The following SIX4 variants were observed in gnomAD, a reference collection of about 807,000 sequenced individuals.
SIX4 encodes homeobox protein SIX4.
A neutral mutation model predicts 51.5 loss-of-function variants in SIX4; 23 were observed. The ratio of observed to expected loss-of-function variants is 0.45; its 90% CI spans 0.32 to 0.63. SIX4 has a LOEUF of 0.63. Among genes scored for constraint, SIX4 ranks in the 30% least tolerant of loss-of-function variants. The pLI is 0.04. For missense variants in SIX4, 867 were observed against 984.0 expected, an observed-to-expected ratio of 0.88 and a Z score of 1.59; for synonymous variants, 413 against 417.3, an observed-to-expected ratio of 0.99 and a Z score of 0.13.
At chr14:60,723,047 CT>C in intron 1 of SIX4, 164 bp downstream of exon 1, 1 of 1,412,190 alleles carries the variant, frequency 7.1e-7, no homozygotes, top group Non-Finnish European at 9.2e-7. Context: ...CCGCCGCCCC[CT>C]ACCTCTGCCG....
At position 60,713,347 on chromosome 14, in the gene SIX4, T is replaced by C. The variant is rs1469471270; in HGVS notation, c.*60A>G. On this transcript the variant is annotated 3_prime_UTR_variant, in exon 3 of 3. Transcript: ENST00000216513. The stretch of plus-strand genomic sequence containing the variant: ...TTAAATGGGAAAATGTTTTGTGTCC[T>C]TGGGGCTTCATGAAAAGATTTGCCG... 2.5e-5 allele frequency: 38 copies of C among 1,514,474 alleles called. No individual in the cohort carries two copies. In the South Asian group the frequency reaches 3.6e-4, roughly 14 times the overall value. 93.8% of individuals were successfully genotyped at this position (1,514,474 alleles called of 1,614,324 possible).
rs1234962068 is a variant in SIX4 at position 60,720,464 on chromosome 14, C to A, written c.864-19G>T. 3 of 1,598,122 alleles carry A rather than the reference C, an allele frequency of 1.9e-6. No homozygotes were observed. The highest frequency in any genetic ancestry group is 1.7e-5 in the Admixed American group (1 of 58,116). On this transcript the variant is annotated intron_variant, in intron 1 of 2. Coordinates refer to ENST00000216513, the MANE Select transcript of SIX4 (RefSeq NM_017420.5). This position sits in a 1 kb window ranked among gnomAD's most constrained non-coding sequence, Gnocchi z 5.5. ...TGACTCACTGTATGGAGGGGGAAATCAAAATGTTCAGAAGGTCAGGGGGAT... is the reference window on the plus strand; with the variant it reads ...TGACTCACTGTATGGAGGGGGAAATAAAAATGTTCAGAAGGTCAGGGGGAT...
In SIX4 at chr14:60,719,221, A is replaced by G. The variant is rs1566738964; in HGVS notation, c.1549+539T>C. 6.6e-6 allele frequency among the ~76,000 whole-genome samples: 1 copy of G among 152,350 alleles called. No individual in the cohort carries two copies. The highest frequency in any genetic ancestry group is 1.9e-4 in the East Asian group (1 of 5,188). On this transcript the variant is annotated intron_variant, in intron 2 of 2. Transcript: ENST00000216513. This position sits in a 1 kb window ranked among gnomAD's most constrained non-coding sequence, Gnocchi z 4.9. ...ATATATGCTGAGCGATAGAAATCCA[A>G]TGGCATATTCCTCTGATTTTCTTTT...
At chr14:60,716,040 A>C (rs1439255207) in intron 2 of SIX4, among the ~76,000 whole-genome samples, 4 of 151,672 alleles carry the variant, frequency 2.6e-5, no homozygotes, top group Admixed American at 1.3e-4. Context: ...TAATTTTTGT[A>C]GTTTTAGTAG....
chr14:60,724,213 G>C lies in SIX4; in HGVS notation c.-139C>G. 1 of 1,553,006 alleles carries C rather than the reference G, an allele frequency of 6.4e-7. No homozygotes were observed. The highest frequency in any genetic ancestry group is 8.6e-7 in the Non-Finnish European group (1 of 1,156,088). The stretch of plus-strand genomic sequence containing the variant: ...GCCCACTCCCTCCCTCCTGGTTTCG[G>C]CTGTATCTGGCCGATCAGGTTTCCC... On this transcript the variant is annotated 5_prime_UTR_variant, in exon 1 of 3. Transcript: ENST00000216513.
chr14:60,721,851 T>C (rs1322714019), intron 1 of SIX4, among the ~76,000 whole-genome samples: 1 of 152,242 alleles, frequency 6.6e-6, no homozygotes, highest in Non-Finnish European at 1.5e-5. Flanking sequence ...CAAAGCGCCT[T>C]CTCTGGACCT....
Position 60,720,866 on chromosome 14 carries a change from C to G in SIX4, c.864-421G>C. 2 of 780,114 alleles carry G rather than the reference C, an allele frequency of 2.6e-6. No homozygotes were observed. The highest frequency in any genetic ancestry group is 3.1e-6 in the Non-Finnish European group (2 of 638,158). 48.3% of individuals were successfully genotyped at this position (780,114 alleles called of 1,614,324 possible). ...GGAACTCCTTCCCCTCCCCTCAAACCAATTCAGATTAGTGTTATCTTGGAG... is the reference window on the plus strand; with the variant it reads ...GGAACTCCTTCCCCTCCCCTCAAACGAATTCAGATTAGTGTTATCTTGGAG... On this transcript the variant is annotated intron_variant, in intron 1 of 2. Coordinates refer to ENST00000216513, the MANE Select transcript of SIX4 (RefSeq NM_017420.5). This position sits in a 1 kb window ranked among gnomAD's most constrained non-coding sequence, Gnocchi z 5.5.
At position 60,720,129 on chromosome 14, in the gene SIX4, G is replaced by T; in HGVS notation, c.1180C>A (p.Pro394Thr). The change falls in exon 2 of 3, where the codon CCA (proline) becomes ACA (threonine). Residue 394 changes from proline (P) to threonine (T), a missense_variant. Coordinates refer to ENST00000216513, the MANE Select transcript of SIX4 (RefSeq NM_017420.5). The surrounding 1 kb of genome is among the most constrained non-coding windows in gnomAD (Gnocchi z 5.5). The stretch of plus-strand genomic sequence containing the variant: ...CTCACAATGTTTGATGACATTTTTG[G>T]TGGGTTCAATGCCACTGCCTGTGTA... ...GNTQAVALNP[P>T]KMSSNIVSNG... 1 of 1,614,188 alleles carries T rather than the reference G, an allele frequency of 6.2e-7. No individual in the cohort carries two copies. Among genetic ancestry groups the T allele is most frequent in the East Asian group, 2.2e-5 (1 of 44,886 alleles).
Position 60,723,953 on chromosome 14 carries a change from A to G in SIX4, c.122T>C (p.Val41Ala), listed in dbSNP as rs981959375. The change falls in exon 1 of 3, where the codon GTA (valine) becomes GCA (alanine). Residue 41 changes from valine (V) to alanine (A), a missense_variant. Transcript: ENST00000216513. ...AHREVAGGAAVGLSPPAPAPF... is the reference protein window; with the variant it reads ...AHREVAGGAAAGLSPPAPAPF... ...GGCTGGAGCCGGGGGGCTCAGCCCT[A>G]CCGCCGCGCCCCCCGCCACTTCTCG... 2.0e-6 allele frequency: 3 copies of G among 1,499,652 alleles called. No individual in the cohort carries two copies. Among genetic ancestry groups the G allele is most frequent in the Non-Finnish European group, 2.7e-6 (3 of 1,131,392 alleles). 92.9% of individuals were successfully genotyped at this position (1,499,652 alleles called of 1,614,324 possible).
Position 60,717,973 on chromosome 14 carries a change from C to T in SIX4, c.1549+1787G>A, listed in dbSNP as rs1223035905. The T allele has an allele frequency of 1.3e-5, 3 of 230,446 alleles. No individual in the cohort carries two copies. The highest frequency in any genetic ancestry group is 4.7e-5 in the African/African-American group (2 of 42,344). The allele number at this position is 230,446 out of a possible 1,614,324, so 14.3% of individuals were successfully genotyped here. A position where few individuals can be genotyped will look rare whatever the true frequency, so the allele number is the denominator to read the frequency against. On this transcript the variant is annotated intron_variant, in intron 2 of 2. Coordinates refer to ENST00000216513, the MANE Select transcript of SIX4 (RefSeq NM_017420.5). The surrounding 1 kb of genome is among the most constrained non-coding windows in gnomAD (Gnocchi z 4.6). Reference sequence around the variant, plus strand: ...GCTGCAGTGAGCCGAGATCGCGCCACTGTACTCCAGCCTGGGTGACAAAAT... The same window carrying T: ...GCTGCAGTGAGCCGAGATCGCGCCATTGTACTCCAGCCTGGGTGACAAAAT...
rs144758266 is a variant in SIX4 at position 60,714,172 on chromosome 14, A to G, written c.1581T>C (p.Asp527=). 342 of 1,604,950 alleles carry G rather than the reference A, an allele frequency of 2.1e-4. No homozygotes were observed. Among genetic ancestry groups the G allele is most frequent in the Non-Finnish European group, 2.7e-4 (323 of 1,178,242 alleles). The part of the protein sequence containing the change: ...GNISVSSSTS[D]GSTFTSESTT... Reference sequence around the variant, plus strand: ...TAGACTCACTTGTAAATGTGCTTCCATCTGAAGTGCTTGAGCTTACTGAGA... The same window carrying G: ...TAGACTCACTTGTAAATGTGCTTCCGTCTGAAGTGCTTGAGCTTACTGAGA... Residue 527 remains aspartate, a synonymous_variant, in exon 3 of 3, where the codon GAT becomes GAC. Coordinates refer to ENST00000216513, the MANE Select transcript of SIX4 (RefSeq NM_017420.5).
chr14:60,721,239 C>T (rs1345733148), intron 1 of SIX4: 28 of 811,172 alleles, frequency 3.5e-5, no homozygotes, highest in Non-Finnish European at 3.7e-5. Context: ...CAGGCAGGAC[C>T]CTGTTCCTCA....
intron 2 of SIX4, among the ~76,000 whole-genome samples, chr14:60,716,577 G>T (rs1408288648): frequency 1.3e-5 from 2 of 151,912 alleles, no homozygotes; most frequent in Non-Finnish European, 2.9e-5. Flanking sequence ...TTGTAGAGAT[G>T]AGGTCTCACT....
At position 60,711,262 on chromosome 14, in the gene SIX4, CA is replaced by C. The variant is rs1334874274; in HGVS notation, c.*2144del. The C allele has an allele frequency of 1.3e-5, 2 of 152,138 alleles. No homozygotes were observed. The highest frequency in any genetic ancestry group is 2.9e-5 in the Non-Finnish European group (2 of 67,950). The allele number at this position is 152,138 out of a possible 1,614,324, so 9.4% of individuals were successfully genotyped here. A position where few individuals can be genotyped will look rare whatever the true frequency, so the allele number is the denominator to read the frequency against. On this transcript the variant is annotated 3_prime_UTR_variant, in exon 3 of 3. Coordinates refer to ENST00000216513, the MANE Select transcript of SIX4 (RefSeq NM_017420.5). The stretch of plus-strand genomic sequence containing the variant: ...AAACACCTGACTTTGTAAAACAAAA[CA>C]AAAAACATGTAGCTTCAGCAGTTTA...
At position 60,722,365 on chromosome 14, in the gene SIX4, C is replaced by A. The variant is rs1896037569; in HGVS notation, c.863+847G>T. 6.6e-6 allele frequency among the ~76,000 whole-genome samples: 1 copy of A among 152,096 alleles called. No homozygotes were observed. Among genetic ancestry groups the A allele is most frequent in the Non-Finnish European group, 1.5e-5 (1 of 68,006 alleles). ...GGGAGCGCCCCCACTCCTTTGCTGC[C>A]GCCCGCCGTAAGCCGGCCTGCCCCC... On this transcript the variant is annotated intron_variant, in intron 1 of 2. Coordinates refer to ENST00000216513, the MANE Select transcript of SIX4 (RefSeq NM_017420.5). This position sits in a 1 kb window ranked among gnomAD's most constrained non-coding sequence, Gnocchi z 5.9.
intron 2 of SIX4, among the ~76,000 whole-genome samples, chr14:60,714,989 A>AAG (rs1311317159): frequency 6.6e-6 from 1 of 150,930 alleles, no homozygotes; most frequent in East Asian, 1.9e-4. Flanking sequence ...AAAAAAAAAA[A>AAG]AAAATTAGAT....
At position 60,713,099 on chromosome 14, in the gene SIX4, G is replaced by A. The variant is rs1267276822; in HGVS notation, c.*308C>T. 2 of 231,654 alleles carry A rather than the reference G, an allele frequency of 8.6e-6. No homozygotes were observed. The highest frequency in any genetic ancestry group is 1.9e-4 in the East Asian group (2 of 10,502). The allele number at this position is 231,654 out of a possible 1,614,324, so 14.3% of individuals were successfully genotyped here. A position where few individuals can be genotyped will look rare whatever the true frequency, so the allele number is the denominator to read the frequency against. On this transcript the variant is annotated 3_prime_UTR_variant, in exon 3 of 3. Transcript: ENST00000216513. ...ATTTTTTAATTTAAAAAACTATCAA[G>A]TTCCATTTTGACCTTAGAATTATAG...
Position 60,714,115 on chromosome 14 carries a change from G to A in SIX4, c.1638C>T (p.Ser546=). ...ATACCACTGCACTGGGAGCAAGAGA[G>A]CTCAAGAAAACCTTTCCTTGCTGGA... ...TTVQQGKVFL[S]SLAPSAVVYT... The change falls in exon 3 of 3, where the codon AGC becomes AGT. Residue 546 remains serine, a synonymous_variant. Coordinates refer to ENST00000216513, the MANE Select transcript of SIX4 (RefSeq NM_017420.5). The A allele has an allele frequency of 1.2e-6, 2 of 1,613,974 alleles. No homozygotes were observed. The highest frequency in any genetic ancestry group is 1.7e-6 in the Non-Finnish European group (2 of 1,180,032).
Position 60,719,818 on chromosome 14 carries a change from A to G in SIX4, c.1491T>C (p.Asn497=). ...GCAGTGGAGAGAATCCAATGCTCCC[A>G]TTAAGGAACTGGCTGTTTGCTCCGG... The part of the protein sequence containing the change: ...PNSGANSQFL[N]GSIGFSPLQL... The change falls in exon 2 of 3, where the codon AAT becomes AAC. Residue 497 remains asparagine (N), a synonymous_variant. Transcript: ENST00000216513. This position sits in a 1 kb window ranked among gnomAD's most constrained non-coding sequence, Gnocchi z 4.9. The G allele has an allele frequency of 6.2e-7, 1 of 1,614,232 alleles. No homozygotes were observed. Among genetic ancestry groups the G allele is most frequent in the African/African-American group, 1.3e-5 (1 of 75,064 alleles).
Sources: allele counts gnomAD v4.1 joint callset (sites outside exome capture counted in the v4.1 genomes callset), GRCh38; gene constraint gnomAD v4.1.1; non-coding constraint Gnocchi (gnomAD v3.1); transcripts MANE v1.5; gene names NCBI Gene and HGNC (gene_info 2026-07-23, HGNC 2026-07-21).